BAZ1B: variants seen among roughly 807,000 people sequenced by gnomAD.
BAZ1B encodes the protein tyrosine-protein kinase BAZ1B.
In BAZ1B, 22 loss-of-function variants were observed where a neutral mutation model predicts 153.8. The ratio of observed to expected loss-of-function variants is 0.14; its 90% confidence interval spans 0.10 to 0.20. The LOEUF (loss-of-function observed/expected upper bound fraction) is 0.20. BAZ1B is among the 10% of genes least tolerant of loss of function. BAZ1B has a pLI of 1.00. For missense variants in BAZ1B, 1,325 were observed against 1,799.3 expected, an observed-to-expected ratio of 0.74 and a Z score of 4.77; for synonymous variants, 676 against 633.4, an observed-to-expected ratio of 1.07 and a Z score of -1.01.
rs564025033 is a variant in BAZ1B, at chr7:73,478,190, G to A, written c.1271C>T (p.Pro424Leu). 14 of 1,613,604 alleles carry A rather than the reference G, an allele frequency of 8.7e-6. No homozygotes were observed. The South Asian group carries it at 1.5e-4, about 18-fold the overall frequency. The change falls in exon 7 of 20, where the codon CCC (proline) becomes CTC (leucine). Residue 424 changes from proline to leucine, a missense_variant. Pro to Leu is a moderately conservative substitution (Grantham distance 98). Around this residue, in one of 9 missense-constraint regions of BAZ1B, gnomAD observed 219 missense variants for 248.2 expected, o/e 0.88. Transcript: ENST00000339594. ...GQKSTGNSKS[P>L]KKGLKTPKTK... ...TTTAGGAGTCTTCAGTCCTTTTTTG[G>A]GAGATTTGGAATTCCCTGTGGATTT...
At chr7:73,487,942 G>T (rs1554574673) in intron 6 of BAZ1B, among the ~76,000 whole-genome samples, 1 of 152,156 alleles carries the variant, frequency 6.6e-6, no homozygotes, top group Non-Finnish European at 1.5e-5. Context: ...ACCATGACTG[G>T]AGGTCTTTAC....
chr7:73,498,007 TAG>T (rs1305822748), intron 4 of BAZ1B, among the ~76,000 whole-genome samples: 9 of 151,854 alleles, frequency 5.9e-5, no homozygotes, highest in African/African-American at 2.4e-5. Context: ...TGGCACAGAC[TAG>T]AGTGCAATGG....
intron 13 of BAZ1B, among the ~76,000 whole-genome samples, chr7:73,454,151 T>A (rs1242762771): frequency 6.6e-6 from 1 of 151,036 alleles, no homozygotes; most frequent in Non-Finnish European, 1.5e-5. Context: ...AATAAATAAA[T>A]AAATAAATAA....
intron 13 of BAZ1B, among the ~76,000 whole-genome samples, chr7:73,457,112 TC>T (rs782472942): frequency 3.3e-5 from 5 of 151,886 alleles, no homozygotes; most frequent in Non-Finnish European, 7.4e-5. Flanking sequence ...GATGCAGCAA[TC>T]CCACTACTGG....
At chr7:73,453,694 G>GC (rs1788093760) in intron 13 of BAZ1B, among the ~76,000 whole-genome samples, 1 of 152,182 alleles carries the variant, frequency 6.6e-6, no homozygotes, top group Non-Finnish European at 1.5e-5. Context: ...TCATTTAAAA[G>GC]GAACACAGGG....
At chr7:73,452,841 T>C in intron 13 of BAZ1B, among the ~76,000 whole-genome samples, 1 of 152,170 alleles carries the variant, frequency 6.6e-6, no homozygotes, top group East Asian at 1.9e-4. Context: ...ATGGGTTTAT[T>C]GGGACATAGC....
chr7:73,468,505 T>C (rs1354504937), intron 9 of BAZ1B, among the ~76,000 whole-genome samples: 3 of 152,224 alleles, frequency 2.0e-5, no homozygotes, highest in Non-Finnish European at 4.4e-5. Context: ...ATTTTTTTAA[T>C]TAAAATTTGT....
rs150385884 is a variant in BAZ1B, at chr7:73,455,987, C to T, written c.3432+3549G>A. ...CACCAAACTATTAAAAAAGTGACAT[C>T]CTTGGGCAGTGAAACTAGGGTGGGA... On this transcript the variant is annotated intron_variant, in intron 13 of 19. Transcript: ENST00000339594. 1.1e-4 allele frequency among the ~76,000 whole-genome samples: 16 copies of T among 152,192 alleles called. No homozygotes were observed. The East Asian group carries it at 3.1e-3, about 29-fold the overall frequency.
intron 6 of BAZ1B, among the ~76,000 whole-genome samples, chr7:73,485,466 A>T (rs1264872434): frequency 6.6e-6 from 1 of 152,030 alleles, no homozygotes; most frequent in East Asian, 1.9e-4. Flanking sequence ...AAAAAATAAA[A>T]AACACAAAAA....
chr7:73,501,757 C>T (rs782689310), intron 3 of BAZ1B, among the ~76,000 whole-genome samples: 3 of 152,190 alleles, frequency 2.0e-5, no homozygotes, highest in African/African-American at 7.2e-5. Flanking sequence ...AACCTACAGG[C>T]TTCACCTTAA....
intron 1 of BAZ1B, among the ~76,000 whole-genome samples, chr7:73,517,762 GATATTTTCGA>G (rs1262544030): frequency 1.3e-5 from 2 of 152,192 alleles, no homozygotes; most frequent in Non-Finnish European, 2.9e-5. Flanking sequence ...TAAAAGATAA[GATATTTTCGA>G]ATCCTAGACT....
chr7:73,485,168 A>T (rs1789354636), intron 6 of BAZ1B, among the ~76,000 whole-genome samples: 1 of 152,078 alleles, frequency 6.6e-6, no homozygotes, highest in South Asian at 2.1e-4. Context: ...TCCTGGACTC[A>T]AGTGATCCTC....
intron 12 of BAZ1B, among the ~76,000 whole-genome samples, chr7:73,461,317 A>AAAAAG (rs1279362400): frequency 2.6e-5 from 4 of 152,204 alleles, no homozygotes; most frequent in African/African-American, 9.7e-5. Flanking sequence ...ATTTAAAAAT[A>AAAAAG]AAAAGAAAAG....
intron 3 of BAZ1B, among the ~76,000 whole-genome samples, chr7:73,499,026 T>C (rs1790024353): frequency 6.6e-6 from 1 of 152,176 alleles, no homozygotes; most frequent in African/African-American, 2.4e-5. Flanking sequence ...TGTATTTACT[T>C]ATTATTATTT....
intron 5 of BAZ1B, among the ~76,000 whole-genome samples, chr7:73,491,148 C>T (rs1381941725): frequency 6.6e-6 from 1 of 151,652 alleles, no homozygotes; most frequent in African/African-American, 2.4e-5. Flanking sequence ...TAGCCGGGCA[C>T]GGTGGCGGGC....
At chr7:73,461,015 G>A (rs894221713) in intron 12 of BAZ1B, among the ~76,000 whole-genome samples, 2 of 150,704 alleles carry the variant, frequency 1.3e-5, no homozygotes, top group African/African-American at 2.4e-5. Flanking sequence ...TGCTCTTGTC[G>A]TCCAGGCTGG....
rs868990052 is a variant in BAZ1B, at chr7:73,459,418, A to C, written c.3432+118T>G. The C allele has an allele frequency of 5.4e-5, 57 of 1,065,072 alleles. 1 individual carries two copies. The Middle Eastern group carries it at 9.4e-4, about 18-fold the overall frequency. The allele number at this position is 1,065,072 out of a possible 1,614,324, so 66.0% of individuals were successfully genotyped here. A position where few individuals can be genotyped will look rare whatever the true frequency, so the allele number is the denominator to read the frequency against. ...AAAAAAAAAAACACACACACACACA[A>C]AAACACTCACTCAGGGCACAGTGCC... On this transcript the variant is annotated intron_variant, in intron 13 of 19. Coordinates refer to ENST00000339594, the MANE Select transcript of BAZ1B (RefSeq NM_032408.4).
At chr7:73,494,374 C>G (rs1789788092) in intron 4 of BAZ1B, among the ~76,000 whole-genome samples, 1 of 152,082 alleles carries the variant, frequency 6.6e-6, no homozygotes, top group Non-Finnish European at 1.5e-5. Flanking sequence ...CAGAGCGAGA[C>G]TCTGTCTCAA....
At chr7:73,498,845 C>A in intron 3 of BAZ1B, 147 bp from the exon 4 acceptor site, 1 of 690,470 alleles carries the variant, frequency 1.4e-6, no homozygotes, top group Non-Finnish European at 2.4e-6. Flanking sequence ...GAAGTGTTTT[C>A]AACTTTTTTT....
Sources: gnomAD v4.1 joint callset for allele counts (sites outside exome capture counted in the v4.1 genomes callset) on GRCh38, gnomAD v4.1.1 for gene constraint, gnomAD v4.1.1 regional missense constraint, MANE v1.5 for transcripts, NCBI Gene and HGNC (gene_info 2026-07-23, HGNC 2026-07-21) for gene names.